DERA: variants seen among roughly 807,000 people sequenced by gnomAD.
The protein encoded by DERA is deoxyribose-phosphate aldolase.
Under a neutral mutation model 41.1 loss-of-function variants are expected in DERA, and 15 were observed. The ratio of observed to expected loss-of-function variants is 0.37; its 90% CI spans 0.24 to 0.56. The LOEUF (loss-of-function observed/expected upper bound fraction) is 0.56, where lower values mean the gene tolerates loss of function less well. Among genes scored for constraint, DERA ranks in the 20% least tolerant of loss-of-function variants. The probability of loss-of-function intolerance (pLI) is 0.81; values close to 1 mark genes in which losing one functional copy is unlikely to be tolerated. For missense variants in DERA, 396 were observed against 403.4 expected, an observed-to-expected ratio of 0.98 and a Z score of 0.16; for synonymous variants, 139 against 137.4, an observed-to-expected ratio of 1.01 and a Z score of -0.08.
chr12:15,999,290 A>C lies in DERA; in HGVS notation c.637+16854A>C, dbSNP rs1488410952. ...TTCTAGGCATTGGAGGAGGATTAGA[A>C]GAGAGAATGGAGAGAGTAAAGTAAG... On this transcript the variant is annotated intron_variant, in intron 6 of 8. Transcript: ENST00000428559. The surrounding 1 kb of genome is among the most constrained non-coding windows in gnomAD (Gnocchi z 5.3). Among the ~76,000 whole-genome samples the C allele has an allele frequency of 6.6e-6, 1 of 152,242 alleles. No homozygotes were observed. The highest frequency in any genetic ancestry group is 2.4e-5 in the African/African-American group (1 of 41,464).
chr12:15,932,258 A>G (rs922296662), intron 1 of DERA, among the ~76,000 whole-genome samples: 1 of 152,208 alleles, frequency 6.6e-6, no homozygotes, highest in Non-Finnish European at 1.5e-5. Flanking sequence ...TGTTAGTTCA[A>G]GGATTAACTC....
chr12:15,918,762 A>G lies in DERA; in HGVS notation c.31+7348A>G, dbSNP rs1293840676. Among the ~76,000 whole-genome samples the G allele has an allele frequency of 1.3e-5, 2 of 152,174 alleles. No individual in the cohort carries two copies. Among genetic ancestry groups the G allele is most frequent in the Non-Finnish European group, 2.9e-5 (2 of 68,052 alleles). On this transcript the variant is annotated intron_variant, in intron 1 of 8. Coordinates refer to ENST00000428559, the MANE Select transcript of DERA (RefSeq NM_015954.4). The surrounding 1 kb of genome is among the most constrained non-coding windows in gnomAD (Gnocchi z 4.3). ...CACCACATACGGCATGTTAAAACTGACAACAGGAACGTGGTGGGATTGGAA... is the reference window on the plus strand; with the variant it reads ...CACCACATACGGCATGTTAAAACTGGCAACAGGAACGTGGTGGGATTGGAA...
At position 15,993,010 on chromosome 12, in the gene DERA, G is replaced by A. The variant is rs879794439; in HGVS notation, c.637+10574G>A. ...CACAAAAATATGGGGCTTGAGAAAA[G>A]CAGACCTTGAAGGAATACAAAATGA... On this transcript the variant is annotated intron_variant, in intron 6 of 8. Transcript: ENST00000428559. The surrounding 1 kb of genome is among the most constrained non-coding windows in gnomAD (Gnocchi z 4.4). 6.6e-6 allele frequency among the ~76,000 whole-genome samples: 1 copy of A among 152,152 alleles called. No homozygotes were observed. Among genetic ancestry groups the A allele is most frequent in the Non-Finnish European group, 1.5e-5 (1 of 68,024 alleles).
At chr12:15,964,956 A>G (rs1948612753) in intron 5 of DERA, among the ~76,000 whole-genome samples, 1 of 152,224 alleles carries the variant, frequency 6.6e-6, no homozygotes, top group South Asian at 2.1e-4. Context: ...CCATACTTTT[A>G]TATTAACTCT....
At position 15,984,257 on chromosome 12, in the gene DERA, A is replaced by G. The variant is rs1948750460; in HGVS notation, c.637+1821A>G. ...TGTATTCATTCTGGGAGGTCAGCCA[A>G]CCCTGTCCTACGCACAGCACCTACT... is the stretch of plus-strand genomic sequence containing the variant. On this transcript the variant is annotated intron_variant, in intron 6 of 8. Transcript: ENST00000428559. The surrounding 1 kb of genome is among the most constrained non-coding windows in gnomAD (Gnocchi z 4.5). 1.3e-5 allele frequency among the ~76,000 whole-genome samples: 2 copies of G among 152,098 alleles called. No individual in the cohort carries two copies. Among genetic ancestry groups the G allele is most frequent in the Admixed American group, 1.3e-4 (2 of 15,266 alleles).
At chr12:16,027,282 G>A (rs903905828) in intron 6 of DERA, among the ~76,000 whole-genome samples, 16 of 152,198 alleles carry the variant, frequency 1.1e-4, no homozygotes, top group Non-Finnish European at 4.4e-5. Context: ...TGTACTGGAA[G>A]TCCTAGCTAG....
At chr12:15,944,609 T>A (rs1212991779) in intron 1 of DERA, among the ~76,000 whole-genome samples, 1 of 152,168 alleles carries the variant, frequency 6.6e-6, no homozygotes, top group African/African-American at 2.4e-5. Flanking sequence ...GTTTGAGTTC[T>A]TTGTATATTC....
Position 16,035,422 on chromosome 12 carries a change from C to G in DERA, c.751-810C>G, listed in dbSNP as rs906384477. Among the ~76,000 whole-genome samples the G allele has an allele frequency of 6.6e-6, 1 of 152,170 alleles. No individual in the cohort carries two copies. The highest frequency in any genetic ancestry group is 1.5e-5 in the Non-Finnish European group (1 of 68,036). ...CACTACCATCTACAGATTCCCAACT[C>G]TACTGGATAGTCAGGTTCCTGAAAC... On this transcript the variant is annotated intron_variant, in intron 7 of 8. Coordinates refer to ENST00000428559, the MANE Select transcript of DERA (RefSeq NM_015954.4). This position sits in a 1 kb window ranked among gnomAD's most constrained non-coding sequence, Gnocchi z 4.1.
At chr12:15,969,948 T>G (rs900261179) in intron 5 of DERA, among the ~76,000 whole-genome samples, 3 of 152,232 alleles carry the variant, frequency 2.0e-5, no homozygotes, top group Non-Finnish European at 4.4e-5. Flanking sequence ...GACAACTGTA[T>G]GCTTTTATGA....
In DERA at chr12:15,993,477, G is replaced by C. The variant is rs926991707; in HGVS notation, c.637+11041G>C. On this transcript the variant is annotated intron_variant, in intron 6 of 8. Coordinates refer to ENST00000428559, the MANE Select transcript of DERA (RefSeq NM_015954.4). This position sits in a 1 kb window ranked among gnomAD's most constrained non-coding sequence, Gnocchi z 4.4. ...CACATCTAGACTCCTGTGGTGTTGT[G>C]GCCTTTTTTTTTTTTTTTAAAAAAA... Among the ~76,000 whole-genome samples, 2 of 147,386 alleles carry C rather than the reference G, an allele frequency of 1.4e-5. No individual in the cohort carries two copies. The highest frequency in any genetic ancestry group is 3.0e-5 in the Non-Finnish European group (2 of 67,044).
rs961920259 is a variant in DERA, at chr12:15,991,166, G to A, written c.637+8730G>A. 6.6e-5 allele frequency among the ~76,000 whole-genome samples: 10 copies of A among 152,204 alleles called. No homozygotes were observed. In the East Asian group the frequency reaches 1.4e-3, roughly 21 times the overall value. The stretch of plus-strand genomic sequence containing the variant: ...TTATCCATTCTGATTGGTGTGAGAT[G>A]GTATCTCATTGTGGTTTTGATTTGC... On this transcript the variant is annotated intron_variant, in intron 6 of 8. Transcript: ENST00000428559.
rs1268177150 is a variant in DERA, at chr12:16,036,677, C to T, written c.901-13C>T. ...TAGAATGATTGTTAATTAAACTCTGCTTTTCCTCACAGATTTACCATCATG... is the reference window on the plus strand; with the variant it reads ...TAGAATGATTGTTAATTAAACTCTGTTTTTCCTCACAGATTTACCATCATG... On this transcript the variant is annotated splice_polypyrimidine_tract_variant and intron_variant, in intron 8 of 8. Transcript: ENST00000428559. This position sits in a 1 kb window ranked among gnomAD's most constrained non-coding sequence, Gnocchi z 4.9. 10 of 1,591,440 alleles carry T rather than the reference C, an allele frequency of 6.3e-6. No individual in the cohort carries two copies. Among genetic ancestry groups the T allele is most frequent in the Non-Finnish European group, 8.6e-6 (10 of 1,165,022 alleles).
intron 5 of DERA, among the ~76,000 whole-genome samples, chr12:15,968,560 A>G (rs980306131): frequency 6.6e-6 from 1 of 152,198 alleles, no homozygotes; most frequent in African/African-American, 2.4e-5. Flanking sequence ...AGTACTGGGA[A>G]AGCAGGAATA....
rs1014730550 is a variant in DERA, at chr12:15,988,398, G to A, written c.637+5962G>A. 6.6e-6 allele frequency among the ~76,000 whole-genome samples: 1 copy of A among 152,178 alleles called. No homozygotes were observed. The highest frequency in any genetic ancestry group is 1.5e-5 in the Non-Finnish European group (1 of 68,030). ...CAGAACAGCTGTCAGGAGACCCAAAGCAAGTAGCTCCTTTCTGCAGGCAGG... is the reference window on the plus strand; with the variant it reads ...CAGAACAGCTGTCAGGAGACCCAAAACAAGTAGCTCCTTTCTGCAGGCAGG... On this transcript the variant is annotated intron_variant, in intron 6 of 8. Transcript: ENST00000428559. The surrounding 1 kb of genome is among the most constrained non-coding windows in gnomAD (Gnocchi z 6.0).
At chr12:16,023,473 C>CTT (rs58250786) in intron 6 of DERA, among the ~76,000 whole-genome samples, 2,014 of 111,776 alleles carry the variant, frequency 0.018, 79 homozygotes, top group African/African-American at 0.046. Context: ...AACTCAAAGT[C>CTT]TTTTTTTTTT....
In DERA at chr12:16,019,266, G is replaced by A. The variant is rs926506273; in HGVS notation, c.638-13276G>A. ...AAATATTTTGTGTAATTAAAGCTAGGTCTTATTCCTCACTTAAAAAATAGC... is the reference window on the plus strand; with the variant it reads ...AAATATTTTGTGTAATTAAAGCTAGATCTTATTCCTCACTTAAAAAATAGC... On this transcript the variant is annotated intron_variant, in intron 6 of 8. Transcript: ENST00000428559. This position sits in a 1 kb window ranked among gnomAD's most constrained non-coding sequence, Gnocchi z 4.4. Among the ~76,000 whole-genome samples the A allele has an allele frequency of 6.6e-6, 1 of 152,098 alleles. No homozygotes were observed. The highest frequency in any genetic ancestry group is 1.5e-5 in the Non-Finnish European group (1 of 68,008).
rs1948888708 is a variant in DERA at position 16,003,339 on chromosome 12, C to G, written c.637+20903C>G. On this transcript the variant is annotated intron_variant, in intron 6 of 8. Transcript: ENST00000428559. This position sits in a 1 kb window ranked among gnomAD's most constrained non-coding sequence, Gnocchi z 4.8. ...CATATTGACTAATTATATCTGCAAG[C>G]ACCCAGGTTCCAAATAAGGTCACAT... 6.6e-6 allele frequency among the ~76,000 whole-genome samples: 1 copy of G among 152,178 alleles called. No individual in the cohort carries two copies. Among genetic ancestry groups the G allele is most frequent in the South Asian group, 2.1e-4 (1 of 4,832 alleles).
rs776330928 is a variant in DERA, at chr12:15,966,840, C to T, written c.508+3893C>T. 2.9e-4 allele frequency among the ~76,000 whole-genome samples: 44 copies of T among 152,198 alleles called. No homozygotes were observed. The highest frequency in any genetic ancestry group is 9.9e-4 in the African/African-American group (41 of 41,548). ...ACCTTGGTGTGCTTTCCTTTGGAAA[C>T]GTCATGTCCTTGCTGATTTCAGTTA... On this transcript the variant is annotated intron_variant, in intron 5 of 8. Transcript: ENST00000428559. This position sits in a 1 kb window ranked among gnomAD's most constrained non-coding sequence, Gnocchi z 5.1.
chr12:16,036,980 G>T lies in DERA; in HGVS notation c.*234G>T, dbSNP rs1331609489. ...CTAGAAGATCTGCACTATTAACTTT[G>T]TGAAGAGTTTCTCCTAAAAACTTTA... On this transcript the variant is annotated 3_prime_UTR_variant, in exon 9 of 9. Coordinates refer to ENST00000428559, the MANE Select transcript of DERA (RefSeq NM_015954.4). This position sits in a 1 kb window ranked among gnomAD's most constrained non-coding sequence, Gnocchi z 4.9. 4.5e-6 allele frequency: 2 copies of T among 445,856 alleles called. No individual in the cohort carries two copies. Among genetic ancestry groups the T allele is most frequent in the Non-Finnish European group, 7.8e-6 (2 of 255,590 alleles). The allele number at this position is 445,856 out of a possible 1,614,324, so 27.6% of individuals were successfully genotyped here.
Sources: gnomAD v4.1 joint callset for allele counts (sites outside exome capture counted in the v4.1 genomes callset) on GRCh38, gnomAD v4.1.1 for gene constraint, Gnocchi (gnomAD v3.1) non-coding constraint, MANE v1.5 for transcripts, NCBI Gene and HGNC (gene_info 2026-07-23, HGNC 2026-07-21) for gene names.